Variants in ANKRD28 observed in about 807,000 individuals in gnomAD.
ANKRD28 encodes serine/threonine-protein phosphatase 6 regulatory ankyrin repeat subunit A.
ANKRD28 carries 44 observed loss-of-function variants against 126.5 expected under a neutral mutation model. The observed-to-expected ratio is 0.35, with a 90% CI of 0.27 to 0.45. The LOEUF is 0.45. Among genes scored for constraint, ANKRD28 ranks in the 20% least tolerant of loss-of-function variants. ANKRD28 has a pLI of 1.00. For synonymous variants in ANKRD28, 442 were observed against 468.5 expected (o/e 0.94, Z 0.73); for missense variants, 1,110 against 1,316.6 (o/e 0.84, Z 2.43).
intron 1 of ANKRD28, among the ~76,000 whole-genome samples, chr3:15,834,759 C>A (rs1312770389): frequency 2.0e-5 from 3 of 152,110 alleles, no homozygotes; most frequent in Non-Finnish European, 4.4e-5. Flanking sequence ...GCTATTTATA[C>A]ATTTATAGAA....
Position 15,839,520 on chromosome 3 carries a change from G to T in ANKRD28, c.27+19857C>A, listed in dbSNP as rs1453841500. Among the ~76,000 whole-genome samples the T allele has an allele frequency of 6.6e-6, 1 of 152,044 alleles. No homozygotes were observed. Among genetic ancestry groups the T allele is most frequent in the African/African-American group, 2.4e-5 (1 of 41,400 alleles). On this transcript the variant is annotated intron_variant, in intron 1 of 27. Transcript: ENST00000399451. This position sits in a 1 kb window ranked among gnomAD's most constrained non-coding sequence, Gnocchi z 4.3. ...ATGTGGCTCAGATAGAGGGCTACTT[G>T]AAGAGTGGGTCAAATTTCCATCTGC...
At chr3:15,710,193 A>G (rs2072051154) in intron 12 of ANKRD28, among the ~76,000 whole-genome samples, 2 of 152,280 alleles carry the variant, frequency 1.3e-5, no homozygotes, top group South Asian at 4.2e-4. Flanking sequence ...GAGCCACTGC[A>G]TGAGTCCTGT....
At chr3:15,829,969 C>G (rs2061154864) in intron 1 of ANKRD28, among the ~76,000 whole-genome samples, 1 of 150,704 alleles carries the variant, frequency 6.6e-6, no homozygotes, top group African/African-American at 2.4e-5. Context: ...GTCCAGCTAG[C>G]AACTCAATCA....
At position 15,797,165 on chromosome 3, in the gene ANKRD28, T is replaced by C; in HGVS notation, c.-644A>G. ...AAATCCTGAAAATGAAGCTCAGAGG[T>C]TAACAATTCTTTCAGTGTTTGGGAA... On this transcript the variant is annotated 5_prime_UTR_variant, in exon 1 of 28. Coordinates refer to ENST00000683139, the MANE Select transcript of ANKRD28 (RefSeq NM_001349278.2). 1 of 983,708 alleles carries C rather than the reference T, an allele frequency of 1.0e-6. No homozygotes were observed. Among genetic ancestry groups the C allele is most frequent in the Non-Finnish European group, 1.2e-6 (1 of 829,696 alleles). 60.9% of individuals were successfully genotyped at this position (983,708 alleles called of 1,614,324 possible).
Position 15,742,538 on chromosome 3 carries a change from C to T in ANKRD28, c.352-5305G>A, listed in dbSNP as rs1445314184. Among the ~76,000 whole-genome samples, 652 of 141,048 alleles carry T rather than the reference C, an allele frequency of 4.6e-3. 3 individuals are homozygous for T. Among genetic ancestry groups the T allele is most frequent in the East Asian group, 0.016 (75 of 4,582 alleles). 92.5% of individuals were successfully genotyped at this position (141,048 alleles called of 152,430 possible). On this transcript the variant is annotated intron_variant, in intron 4 of 27. Transcript: ENST00000683139. ...ATGAGAAGTGAGGAGCCCCTCCGCC[C>T]GGCAGCCACCCCGTCTGGGAAGTGA...
chr3:15,683,077 T>G (rs971853313), intron 21 of ANKRD28, among the ~76,000 whole-genome samples: 1 of 152,178 alleles, frequency 6.6e-6, no homozygotes, highest in Non-Finnish European at 1.5e-5. Context: ...ACAAACACTG[T>G]AATAGAAAGC....
intron 15 of ANKRD28, among the ~76,000 whole-genome samples, 174 bp from the exon 16 acceptor site, chr3:15,695,388 T>C (rs1299360100): frequency 1.3e-5 from 2 of 152,258 alleles, no homozygotes; most frequent in Non-Finnish European, 2.9e-5. Flanking sequence ...CAAATCTATA[T>C]ACATAGGTCT....
At chr3:15,694,560 C>T (rs1330722189) in intron 17 of ANKRD28, among the ~76,000 whole-genome samples, 179 bp downstream of exon 17, 2 of 145,172 alleles carry the variant, frequency 1.4e-5, no homozygotes, top group Admixed American at 1.4e-4. Context: ...AAAACAAAAA[C>T]AAAAACCCAG....
chr3:15,839,284 A>C lies in ANKRD28; in HGVS notation c.27+20093T>G, dbSNP rs553751173. Among the ~76,000 whole-genome samples, 20 of 152,276 alleles carry C rather than the reference A, an allele frequency of 1.3e-4. No homozygotes were observed. In the South Asian group the frequency reaches 3.9e-3, roughly 30 times the overall value. ...TACCTCAATAAACTGTTAAAAAAAA[A>C]ACACACTGATCTAACCAATCACCAG... On this transcript the variant is annotated intron_variant, in intron 1 of 27. Transcript: ENST00000399451. The surrounding 1 kb of genome is among the most constrained non-coding windows in gnomAD (Gnocchi z 4.3).
chr3:15,772,594 C>A (rs1285163413), intron 2 of ANKRD28, among the ~76,000 whole-genome samples: 1 of 152,156 alleles, frequency 6.6e-6, no homozygotes, highest in Non-Finnish European at 1.5e-5. Context: ...TGGTGTAATT[C>A]AACATATTAG....
At chr3:15,857,697 C>T (rs1285003908) in intron 1 of ANKRD28, among the ~76,000 whole-genome samples, 1 of 152,236 alleles carries the variant, frequency 6.6e-6, no homozygotes, top group African/African-American at 2.4e-5. Context: ...AATCCAGTTG[C>T]ACTTTTGCTT....
At chr3:15,761,590 C>A (rs1445657134) in intron 3 of ANKRD28, among the ~76,000 whole-genome samples, 1 of 152,100 alleles carries the variant, frequency 6.6e-6, no homozygotes, top group Non-Finnish European at 1.5e-5. Context: ...CCTTATGAGT[C>A]TATATACTAT....
intron 15 of ANKRD28, 76 bp downstream of exon 15, chr3:15,696,058 C>G (rs997704298): frequency 1.0e-6 from 1 of 980,356 alleles, no homozygotes; most frequent in Non-Finnish European, 1.5e-6. Context: ...TTCCTTGATC[C>G]ATTTATTCTC....
chr3:15,813,679 T>C (rs900089257), intron 1 of ANKRD28, among the ~76,000 whole-genome samples: 3 of 152,230 alleles, frequency 2.0e-5, no homozygotes, highest in Non-Finnish European at 2.9e-5. Context: ...AAGCTTATCC[T>C]ATCTTCACTA....
At chr3:15,746,404 A>C (rs2125304869) in intron 4 of ANKRD28, among the ~76,000 whole-genome samples, 1 of 152,258 alleles carries the variant, frequency 6.6e-6, no homozygotes, top group East Asian at 1.9e-4. Context: ...TGTTGCTGAC[A>C]GTTTTAATCA....
chr3:15,741,132 G>A (rs1329604626), intron 4 of ANKRD28, among the ~76,000 whole-genome samples: 1 of 152,130 alleles, frequency 6.6e-6, no homozygotes, highest in East Asian at 1.9e-4. Context: ...CTGGGAGGCG[G>A]AGCTTGCAGT....
chr3:15,689,018 A>T (rs2068474676), intron 18 of ANKRD28, among the ~76,000 whole-genome samples: 1 of 152,262 alleles, frequency 6.6e-6, no homozygotes, highest in Admixed American at 6.5e-5. Context: ...CAGAAGTTAG[A>T]TTATTACATA....
chr3:15,834,937 C>CAG (rs2061290113), intron 1 of ANKRD28, among the ~76,000 whole-genome samples: 1 of 152,140 alleles, frequency 6.6e-6, no homozygotes, highest in Non-Finnish European at 1.5e-5. Context: ...CACTTGAGGC[C>CAG]AGAAGTCCGA....
intron 14 of ANKRD28, among the ~76,000 whole-genome samples, chr3:15,701,696 T>C (rs12488774): frequency 0.078 from 11,873 of 152,180 alleles, 616 homozygotes; most frequent in Middle Eastern, 0.16. Context: ...TGGGTATCAC[T>C]ATGATAAAGA....
Sources: gnomAD v4.1 joint callset for allele counts (sites outside exome capture counted in the v4.1 genomes callset) on GRCh38, gnomAD v4.1.1 for gene constraint, Gnocchi (gnomAD v3.1) non-coding constraint, MANE v1.5 for transcripts, NCBI Gene and HGNC (gene_info 2026-07-23, HGNC 2026-07-21) for gene names.